Variants in SH2D4A observed in about 807,000 individuals in gnomAD.
The protein encoded by SH2D4A is SH2 domain containing 4A.
In SH2D4A, 70 loss-of-function variants were observed where a neutral mutation model predicts 64.7. The ratio of observed to expected loss-of-function variants is 1.08; its 90% CI spans 0.89 to 1.32. The LOEUF is 1.32. Among genes scored for constraint, SH2D4A ranks in the 40% most tolerant of loss-of-function variants. The pLI, the probability that SH2D4A is intolerant of heterozygous loss-of-function variation, is 0.00. For missense variants in SH2D4A, 706 were observed against 540.1 expected, an observed-to-expected ratio of 1.31 and a Z score of -3.04; for synonymous variants, 268 against 200.7, an observed-to-expected ratio of 1.34 and a Z score of -2.83.
chr8:19,370,038 T>C (rs574890518), intron 7 of SH2D4A, among the ~76,000 whole-genome samples: 4 of 152,226 alleles, frequency 2.6e-5, no homozygotes, highest in African/African-American at 9.6e-5. Flanking sequence ...AGAACATTTT[T>C]GGTTTCTGAA....
chr8:19,342,287 CTT>C (rs2052541529), intron 4 of SH2D4A, among the ~76,000 whole-genome samples: 1 of 152,200 alleles, frequency 6.6e-6, no homozygotes, highest in South Asian at 2.1e-4. Flanking sequence ...TCAGAGTCCT[CTT>C]TGAGCTTATG....
chr8:19,328,219 A>G (rs1383946475), intron 2 of SH2D4A, among the ~76,000 whole-genome samples: 1 of 152,118 alleles, frequency 6.6e-6, no homozygotes, highest in East Asian at 1.9e-4. Flanking sequence ...AACGCCACCT[A>G]TAGAGTCATT....
intron 2 of SH2D4A, among the ~76,000 whole-genome samples, chr8:19,326,907 G>A (rs1282078880): frequency 2.0e-5 from 3 of 152,256 alleles, no homozygotes; most frequent in Admixed American, 1.3e-4. Context: ...TGCCCCTGTC[G>A]AGCCCATCAC....
chr8:19,344,160 T>A (rs2052574087), intron 4 of SH2D4A, among the ~76,000 whole-genome samples: 1 of 152,162 alleles, frequency 6.6e-6, no homozygotes, highest in Admixed American at 6.5e-5. Context: ...TACCCATGTG[T>A]TATCTCCCAG....
intron 5 of SH2D4A, among the ~76,000 whole-genome samples, chr8:19,358,312 C>A (rs935042800): frequency 2.0e-5 from 3 of 152,164 alleles, no homozygotes; most frequent in Non-Finnish European, 4.4e-5. Flanking sequence ...GACAAAATTC[C>A]TGCCTTCAGG....
Position 19,319,662 on chromosome 8 carries a change from T to C in SH2D4A, c.115T>C (p.Trp39Arg). Residue 39 changes from tryptophan to arginine, a missense_variant, in exon 2 of 10, where the codon TGG (tryptophan) becomes CGG (arginine). Physicochemically the swap from Trp to Arg is moderately radical, Grantham distance 101 (BLOSUM62 -3). Coordinates refer to ENST00000265807, the MANE Select transcript of SH2D4A (RefSeq NM_022071.4). ...GATGAGAGAGGAACAGATCCGACGA[T>C]GGAAAGAAAGAGAAGCAGCTATGGA... ...FKMREEQIRR[W>R]KEREAAMERK... 6.2e-7 allele frequency: 1 copy of C among 1,610,974 alleles called. No individual in the cohort carries two copies. The highest frequency in any genetic ancestry group is 8.5e-7 in the Non-Finnish European group (1 of 1,178,902).
chr8:19,383,715 C>G (rs1235266675), intron 8 of SH2D4A, among the ~76,000 whole-genome samples: 1 of 151,948 alleles, frequency 6.6e-6, no homozygotes, highest in African/African-American at 2.4e-5. Flanking sequence ...TTCACAGCTT[C>G]TTTTTTAGCC....
intron 4 of SH2D4A, among the ~76,000 whole-genome samples, chr8:19,340,601 CTTTTTT>C (rs535915285): frequency 2.0e-5 from 2 of 100,514 alleles, no homozygotes; most frequent in East Asian, 2.8e-4. Context: ...TTCTTTCTTT[CTTTTTT>C]TTTTTTTTTT....
intron 8 of SH2D4A, 80 bp from the exon 9 acceptor site, chr8:19,393,238 A>C: frequency 7.7e-7 from 1 of 1,296,746 alleles, no homozygotes. Context: ...TTGACTCTAT[A>C]TCCATGCAGC....
rs145746072 is a variant in SH2D4A, at chr8:19,361,315, G to C, written c.706+1G>C. 8 of 1,608,584 alleles carry C rather than the reference G, an allele frequency of 5.0e-6. No individual in the cohort carries two copies. Among genetic ancestry groups the C allele is most frequent in the African/African-American group, 1.3e-5 (1 of 74,542 alleles). On this transcript the variant is annotated splice_donor_variant, in intron 6 of 9. Coordinates refer to ENST00000265807, the MANE Select transcript of SH2D4A (RefSeq NM_022071.4). LOFTEE classifies it high-confidence loss of function. ...GAAGACTCGGAATGGCAGGCATCTC[G>C]TGAGTACCCAGAGGTCTCCATAGCA...
chr8:19,366,449 T>G (rs1040624290), intron 7 of SH2D4A, among the ~76,000 whole-genome samples: 8 of 152,124 alleles, frequency 5.3e-5, no homozygotes, highest in Admixed American at 5.2e-4. Context: ...CTCTCCCTAT[T>G]TACCATCCCC....
chr8:19,373,809 C>T (rs890165661), intron 8 of SH2D4A, 149 bp downstream of exon 8: 81 of 1,106,330 alleles, frequency 7.3e-5, no homozygotes, highest in African/African-American at 4.4e-4. Context: ...TTTTCAAAGA[C>T]GCCTCAGTAA....
chr8:19,313,948 A>G, intron 1 of SH2D4A, 125 bp downstream of exon 1: 1 of 1,275,886 alleles, frequency 7.8e-7, no homozygotes, highest in Non-Finnish European at 9.9e-7. Flanking sequence ...GGGCGGGCGG[A>G]AGCCTCACCC....
chr8:19,332,241 T>G (rs1337151101), intron 2 of SH2D4A, among the ~76,000 whole-genome samples: 1 of 152,220 alleles, frequency 6.6e-6, no homozygotes, highest in Non-Finnish European at 1.5e-5. Context: ...GGGAGATAGT[T>G]AGATGTAAGA....
intron 8 of SH2D4A, among the ~76,000 whole-genome samples, chr8:19,383,679 T>G (rs78924975): frequency 0.15 from 22,821 of 152,120 alleles, 1,849 homozygotes; most frequent in African/African-American, 0.2. Context: ...ATGTCAAGGA[T>G]CAGCCTGAGG....
At chr8:19,323,893 G>T (rs1222620201) in intron 2 of SH2D4A, among the ~76,000 whole-genome samples, 1 of 152,228 alleles carries the variant, frequency 6.6e-6, no homozygotes, top group Non-Finnish European at 1.5e-5. Flanking sequence ...GATGAGGAAA[G>T]TCAAGCTCAG....
intron 1 of SH2D4A, among the ~76,000 whole-genome samples, chr8:19,315,684 A>G (rs1372906017): frequency 1.3e-5 from 2 of 152,188 alleles, no homozygotes; most frequent in African/African-American, 2.4e-5. Context: ...TAGCTGAGCT[A>G]TTCCTTTGTT....
intron 4 of SH2D4A, among the ~76,000 whole-genome samples, chr8:19,335,780 G>T (rs1397078323): frequency 3.3e-5 from 5 of 152,154 alleles, no homozygotes; most frequent in African/African-American, 4.8e-5. Context: ...TTTATACTCA[G>T]AATTGGTATG....
At chr8:19,385,698 C>A (rs554766643) in intron 8 of SH2D4A, among the ~76,000 whole-genome samples, 2 of 152,262 alleles carry the variant, frequency 1.3e-5, no homozygotes, top group South Asian at 4.1e-4. Flanking sequence ...TCCTTCAAAA[C>A]GGGGACCAGA....
Sources: allele counts gnomAD v4.1 joint callset (sites outside exome capture counted in the v4.1 genomes callset), GRCh38; gene constraint gnomAD v4.1.1; transcripts MANE v1.5; gene names NCBI Gene and HGNC (gene_info 2026-07-23, HGNC 2026-07-21).